ANK3: variants seen among roughly 807,000 people sequenced by gnomAD.
ANK3 encodes ankyrin 3.
A neutral mutation model predicts 370.9 loss-of-function variants in ANK3; 57 were observed. The observed-to-expected ratio is 0.15, with a 90% CI of 0.12 to 0.19. The LOEUF is 0.19. Among genes scored for constraint, ANK3 ranks in the 10% least tolerant of loss-of-function variants. The pLI, the probability that ANK3 is intolerant of heterozygous loss-of-function variation, is 1.00. For synonymous variants in ANK3, 1,929 were observed against 1,946.3 expected, an observed-to-expected ratio of 0.99 and a Z score of 0.23; for missense variants, 4,439 against 5,302.1, an observed-to-expected ratio of 0.84 and a Z score of 5.06.
chr10:60,350,612 C>G (rs1444108576), intron 1 of ANK3, among the ~76,000 whole-genome samples: 1 of 152,220 alleles, frequency 6.6e-6, no homozygotes, highest in African/African-American at 2.4e-5. Flanking sequence ...TCTTAAACCT[C>G]AGCTCTAATC....
intron 7 of ANK3, among the ~76,000 whole-genome samples, chr10:60,255,099 A>G (rs2097716777): frequency 6.6e-6 from 1 of 152,226 alleles, no homozygotes; most frequent in South Asian, 2.1e-4. Context: ...TGTTATGACA[A>G]TAAGTGTAAA....
At chr10:60,263,594 T>C (rs927841669) in intron 6 of ANK3, among the ~76,000 whole-genome samples, 1 of 152,174 alleles carries the variant, frequency 6.6e-6, no homozygotes, top group Non-Finnish European at 1.5e-5. Context: ...TGCATAGAAA[T>C]TGATTTCTTC....
chr10:60,195,499 G>A lies in ANK3; in HGVS notation c.1887+646C>T, dbSNP rs988144985. 2.0e-5 allele frequency among the ~76,000 whole-genome samples: 3 copies of A among 151,952 alleles called. No individual in the cohort carries two copies. In the East Asian group the frequency reaches 5.8e-4, roughly 29 times the overall value. Reference sequence around the variant, plus strand: ...CACTGAAATGGTTTGCATCATTTCAGTGTTCTCTGATCATAGCCACCTGCT... The same window carrying A: ...CACTGAAATGGTTTGCATCATTTCAATGTTCTCTGATCATAGCCACCTGCT... On this transcript the variant is annotated intron_variant, in intron 16 of 43. Transcript: ENST00000280772.
intron 23 of ANK3, among the ~76,000 whole-genome samples, chr10:60,148,680 C>T (rs960921689): frequency 1.1e-4 from 17 of 152,124 alleles, no homozygotes; most frequent in Admixed American, 7.2e-4. Context: ...AGACAGAATG[C>T]AGGTAGAAAG....
At chr10:60,060,177 A>G in intron 40 of ANK3, 1 of 487,902 alleles carries the variant, frequency 2.0e-6, no homozygotes, top group Non-Finnish European at 3.5e-6. Flanking sequence ...TGAAATAAAA[A>G]GCCTAGTGCA....
intron 2 of ANK3, among the ~76,000 whole-genome samples, chr10:60,535,281 C>T (rs910066534): frequency 6.6e-6 from 1 of 151,994 alleles, no homozygotes; most frequent in Non-Finnish European, 1.5e-5. Context: ...CTATATGAGC[C>T]ACATCCAGAA....
chr10:60,226,468 T>C (rs1406255764), intron 8 of ANK3, among the ~76,000 whole-genome samples: 3 of 111,702 alleles, frequency 2.7e-5, no homozygotes, highest in Non-Finnish European at 5.1e-5. Flanking sequence ...TATATATACA[T>C]AGTATATATA....
intron 24 of ANK3, among the ~76,000 whole-genome samples, chr10:60,135,428 A>T (rs1035179448): frequency 1.3e-5 from 2 of 152,218 alleles, no homozygotes; most frequent in African/African-American, 4.8e-5. Context: ...ATATAAAACC[A>T]TTTAGCTGAA....
At chr10:60,152,597 C>G (rs2095180313) in intron 23 of ANK3, among the ~76,000 whole-genome samples, 1 of 152,032 alleles carries the variant, frequency 6.6e-6, no homozygotes, top group Non-Finnish European at 1.5e-5. Flanking sequence ...CAATATAAAG[C>G]CTTGCGTGGG....
chr10:60,614,117 A>G (rs1450294205), intron 2 of ANK3, among the ~76,000 whole-genome samples: 3 of 152,208 alleles, frequency 2.0e-5, no homozygotes, highest in African/African-American at 7.2e-5. Context: ...TGTAGCGAAT[A>G]TGTTACAGAA....
rs1554993391 is a variant in ANK3, at chr10:60,141,571, T to TTTG, written c.2615-2485_2615-2484insCAA. ...GCCATTTCAATTGCTGTTTTTTTTT[T>TTTG]TTTTTTTTTTTTTTTGCTTCCCTCC... On this transcript the variant is annotated intron_variant, in intron 23 of 43. Coordinates refer to ENST00000280772, the MANE Select transcript of ANK3 (RefSeq NM_020987.5). Among the ~76,000 whole-genome samples, 127 of 120,984 alleles carry TTTG rather than the reference T, an allele frequency of 1.0e-3. 1 individual carries two copies. Among genetic ancestry groups the TTTG allele is most frequent in the Middle Eastern group, 4.8e-3 (1 of 208 alleles). The allele number at this position is 120,984 out of a possible 152,430, so 79.4% of individuals were successfully genotyped here. A position where few individuals can be genotyped will look rare whatever the true frequency, so the allele number is the denominator to read the frequency against.
intron 10 of ANK3, among the ~76,000 whole-genome samples, chr10:60,207,092 TAGAC>T (rs758767319): frequency 6.6e-6 from 1 of 152,224 alleles, no homozygotes; most frequent in Non-Finnish European, 1.5e-5. Flanking sequence ...ACACATTTGA[TAGAC>T]TGGGTGGGTC....
intron 5 of ANK3, among the ~76,000 whole-genome samples, chr10:60,264,634 C>CA (rs879532506): frequency 0.057 from 4,595 of 81,320 alleles, 254 homozygotes; most frequent in African/African-American, 0.18. Context: ...AAGACTCTGT[C>CA]AAAAAAAAAA....
chr10:60,347,787 A>G (rs2055945188), intron 1 of ANK3, among the ~76,000 whole-genome samples: 1 of 152,192 alleles, frequency 6.6e-6, no homozygotes, highest in South Asian at 2.1e-4. Context: ...TTGTTAAGAC[A>G]CTGATGGCTG....
chr10:60,322,811 T>A (rs1350631), intron 1 of ANK3, among the ~76,000 whole-genome samples: 112,312 of 151,812 alleles, frequency 0.74, 41,715 homozygotes, highest in South Asian at 0.91. Flanking sequence ...GGAAAAAAAA[T>A]CTAGTGGTTG....
intron 23 of ANK3, among the ~76,000 whole-genome samples, chr10:60,143,306 A>G (rs751139575): frequency 2.0e-5 from 3 of 152,220 alleles, no homozygotes; most frequent in Non-Finnish European, 4.4e-5. Context: ...ATTATTATAT[A>G]GTACAACACA....
intron 1 of ANK3, among the ~76,000 whole-genome samples, chr10:60,328,421 GC>G (rs1282708168): frequency 1.3e-5 from 2 of 152,264 alleles, no homozygotes; most frequent in African/African-American, 4.8e-5. Flanking sequence ...GCAATTGTAA[GC>G]AATGCTCAAT....
At chr10:60,694,875 A>G (rs1371325243) in intron 1 of ANK3, among the ~76,000 whole-genome samples, 1 of 149,600 alleles carries the variant, frequency 6.7e-6, no homozygotes, top group Non-Finnish European at 1.5e-5. Context: ...TCATAATGAC[A>G]GGATCAAATT....
At chr10:60,141,567 T>TTTTTTG (rs1565274014) in intron 23 of ANK3, among the ~76,000 whole-genome samples, 3 of 53,576 alleles carry the variant, frequency 5.6e-5, no homozygotes, top group African/African-American at 4.9e-5. Flanking sequence ...TGCTGTTTTT[T>TTTTTTG]TTTTTTTTTT....
Sources: gnomAD v4.1 joint callset for allele counts (sites outside exome capture counted in the v4.1 genomes callset) on GRCh38, gnomAD v4.1.1 for gene constraint, MANE v1.5 for transcripts, NCBI Gene and HGNC (gene_info 2026-07-23, HGNC 2026-07-21) for gene names.